TMEM232: variants seen among roughly 807,000 people sequenced by gnomAD.
The protein encoded by TMEM232 is transmembrane protein 232.
Under a neutral mutation model 78.8 loss-of-function variants are expected in TMEM232, and 80 were observed. The ratio of observed to expected loss-of-function variants is 1.01; its 90% CI spans 0.85 to 1.22. The LOEUF (loss-of-function observed/expected upper bound fraction) is 1.22. Among genes scored for constraint, TMEM232 ranks in the 50% most tolerant of loss-of-function variants. The probability of loss-of-function intolerance (pLI) is 0.00; values close to 1 mark genes in which losing one functional copy is unlikely to be tolerated. For missense variants in TMEM232, 881 were observed against 742.2 expected, an observed-to-expected ratio of 1.19 and a Z score of -2.17; for synonymous variants, 297 against 254.3, an observed-to-expected ratio of 1.17 and a Z score of -1.60.
Position 110,420,651 on chromosome 5 carries a change from T to A in TMEM232, c.1903A>T (p.Lys635Ter). Residue 635 changes from lysine to a stop codon, truncating the protein, a stop_gained, in exon 14 of 14, where the codon AAG becomes TAG. Coordinates refer to ENST00000455884, the MANE Select transcript of TMEM232 (RefSeq NM_001039763.4). LOFTEE classifies it high-confidence loss of function. The part of the protein sequence containing the change: ...AEKNHFQEVM[K>*]KREEKLHKQT... ...TTATGTAGTTTCTCTTCTCTTTTCT[T>A]CATAACTTCTTGAAAGTGATTTTTC... 4 of 1,527,000 alleles carry A rather than the reference T, an allele frequency of 2.6e-6. No homozygotes were observed. The highest frequency in any genetic ancestry group is 3.5e-6 in the Non-Finnish European group (4 of 1,144,124). 94.6% of individuals were successfully genotyped at this position (1,527,000 alleles called of 1,614,324 possible). A position where few individuals can be genotyped will look rare whatever the true frequency, so the allele number is the denominator to read the frequency against.
At chr5:110,457,303 C>A (rs983524464) in intron 12 of TMEM232, among the ~76,000 whole-genome samples, 1 of 152,048 alleles carries the variant, frequency 6.6e-6, no homozygotes, top group South Asian at 2.1e-4. Context: ...AGATTTAAAA[C>A]CACAATGAGA....
At chr5:110,730,824 A>G (rs1032806623), upstream of TMEM232, among the ~76,000 whole-genome samples, 1 of 152,166 alleles carries the variant, frequency 6.6e-6, no homozygotes, top group African/African-American at 2.4e-5. Context: ...CAGCCAAACC[A>G]GATCATTCTG....
chr5:110,720,504 A>T (rs973786523), intron 1 of TMEM232: 5 of 152,124 alleles, frequency 3.3e-5, no homozygotes, highest in Non-Finnish European at 7.4e-5. Flanking sequence ...TCTTGGCCAC[A>T]TCTGCACAAA....
At chr5:110,695,275 C>A (rs969269664) in intron 1 of TMEM232, among the ~76,000 whole-genome samples, 17 of 152,226 alleles carry the variant, frequency 1.1e-4, no homozygotes, top group African/African-American at 4.1e-4. Flanking sequence ...ACACAACATA[C>A]CAGAATCTCT....
intron 12 of TMEM232, among the ~76,000 whole-genome samples, chr5:110,473,912 A>C (rs923992425): frequency 6.8e-5 from 10 of 147,246 alleles, no homozygotes; most frequent in African/African-American, 2.2e-4. Flanking sequence ...AAAAAAAAAA[A>C]AAAAAACCCG....
chr5:110,693,467 A>C (rs554879232), intron 1 of TMEM232, among the ~76,000 whole-genome samples: 1 of 152,306 alleles, frequency 6.6e-6, no homozygotes, highest in South Asian at 2.1e-4. Flanking sequence ...TGACTTTGAC[A>C]AGTTGAGAGA....
intron 8 of TMEM232, 98 bp downstream of exon 8, chr5:110,618,331 A>C: frequency 7.0e-7 from 1 of 1,436,046 alleles, no homozygotes; most frequent in Non-Finnish European, 9.3e-7. Flanking sequence ...TTTCATAGTC[A>C]ACTGAGGTGT....
intron 10 of TMEM232, among the ~76,000 whole-genome samples, chr5:110,599,564 G>A (rs1780635051): frequency 6.6e-6 from 1 of 152,066 alleles, no homozygotes; most frequent in Admixed American, 6.6e-5. Context: ...GATAAAAAAA[G>A]ACAAAGAATG....
chr5:110,497,007 T>C (rs1765715143), intron 12 of TMEM232, among the ~76,000 whole-genome samples: 1 of 151,962 alleles, frequency 6.6e-6, no homozygotes, highest in African/African-American at 2.4e-5. Flanking sequence ...GTGATTTACT[T>C]TCTGACTGAT....
chr5:110,537,163 C>A (rs181071363), intron 11 of TMEM232, among the ~76,000 whole-genome samples: 1 of 152,112 alleles, frequency 6.6e-6, no homozygotes, highest in Non-Finnish European at 1.5e-5. Flanking sequence ...AACTCTTCAT[C>A]TATTCCACCT....
intron 1 of TMEM232, among the ~76,000 whole-genome samples, chr5:110,718,429 A>G (rs1406299932): frequency 6.6e-6 from 1 of 152,116 alleles, no homozygotes; most frequent in African/African-American, 2.4e-5. Flanking sequence ...TGTTCTTTGT[A>G]TGTGATGAGT....
chr5:110,488,906 T>C (rs957286289), intron 12 of TMEM232, among the ~76,000 whole-genome samples: 13 of 151,882 alleles, frequency 8.6e-5, no homozygotes, highest in Non-Finnish European at 1.5e-4. Flanking sequence ...TCAAAAAGTT[T>C]ATAAGGGAAC....
At chr5:110,696,934 T>C (rs931165853) in intron 1 of TMEM232, among the ~76,000 whole-genome samples, 2 of 152,076 alleles carry the variant, frequency 1.3e-5, no homozygotes, top group African/African-American at 4.8e-5. Flanking sequence ...CTTCACGGAA[T>C]TGGAAAAAAC....
chr5:110,528,605 A>G lies in TMEM232; in HGVS notation c.1686T>C (p.Val562=), dbSNP rs1238328193. The change falls in exon 12 of 14, where the codon GTT becomes GTC. Residue 562 remains valine, a synonymous_variant. Coordinates refer to ENST00000455884, the MANE Select transcript of TMEM232 (RefSeq NM_001039763.4). ...NKKLESVKKQ[V]LHFTVREHPS... ...CTCTTTACCTTACAGTGAAATGTAG[A>G]ACTTGCTTTTTCACAGACTCCAGCT... is the stretch of plus-strand genomic sequence containing the variant. 1 of 1,530,906 alleles carries G rather than the reference A, an allele frequency of 6.5e-7. No homozygotes were observed. The highest frequency in any genetic ancestry group is 2.0e-5 in the Admixed American group (1 of 50,368). 94.8% of individuals were successfully genotyped at this position (1,530,906 alleles called of 1,614,324 possible).
At chr5:110,730,879 T>A (rs1027176276), upstream of TMEM232, among the ~76,000 whole-genome samples, 1 of 152,076 alleles carries the variant, frequency 6.6e-6, no homozygotes, top group South Asian at 2.1e-4. Flanking sequence ...TAAAAACCAA[T>A]CACGCCTTCC....
intron 1 of TMEM232, among the ~76,000 whole-genome samples, chr5:110,682,712 T>C (rs1361526835): frequency 2.6e-5 from 4 of 152,170 alleles, no homozygotes; most frequent in Admixed American, 2.0e-4. Context: ...GTTTCTGCTA[T>C]GACCTCAGCT....
At chr5:110,425,728 G>A (rs775965094) in intron 12 of TMEM232, among the ~76,000 whole-genome samples, 7 of 151,938 alleles carry the variant, frequency 4.6e-5, no homozygotes, top group Non-Finnish European at 7.4e-5. Context: ...ATCACTTCCC[G>A]AGGCCAAGCC....
At chr5:110,717,362 G>A (rs2150334795) in intron 1 of TMEM232, among the ~76,000 whole-genome samples, 1 of 152,226 alleles carries the variant, frequency 6.6e-6, no homozygotes, top group Non-Finnish European at 1.5e-5. Context: ...CATTTACTCT[G>A]TTGCTAATAC....
chr5:110,620,527 AAC>A (rs1394890026), intron 7 of TMEM232, among the ~76,000 whole-genome samples: 1 of 143,532 alleles, frequency 7.0e-6, no homozygotes, highest in Non-Finnish European at 1.5e-5. Context: ...GATTCCTTCT[AAC>A]ACTCTCTTAT....
Sources: gnomAD v4.1 joint callset for allele counts (sites outside exome capture counted in the v4.1 genomes callset) on GRCh38, gnomAD v4.1.1 for gene constraint, MANE v1.5 for transcripts, NCBI Gene and HGNC (gene_info 2026-07-23, HGNC 2026-07-21) for gene names.